SPAG16: variants seen among roughly 807,000 people sequenced by gnomAD.
The protein encoded by SPAG16 is sperm-associated antigen 16 protein.
SPAG16 carries 86 observed loss-of-function variants against 80.4 expected under a neutral mutation model. The ratio of observed to expected loss-of-function variants is 1.07; its 90% CI spans 0.90 to 1.28. The LOEUF (loss-of-function observed/expected upper bound fraction) is 1.28. Among genes scored for constraint, SPAG16 ranks in the 50% most tolerant of loss-of-function variants. The pLI is 0.00. For missense variants in SPAG16, 870 were observed against 765.3 expected (o/e 1.14, Z -1.61); for synonymous variants, 294 against 265.9 (o/e 1.11, Z -1.03).
At chr2:214,166,016 A>G (rs2056639165) in intron 15 of SPAG16, among the ~76,000 whole-genome samples, 2 of 152,194 alleles carry the variant, frequency 1.3e-5, no homozygotes, top group African/African-American at 4.8e-5. Flanking sequence ...AAAATAAATT[A>G]AATGTCTAAG....
intron 11 of SPAG16, among the ~76,000 whole-genome samples, chr2:213,917,114 C>A (rs1448468616): frequency 1.3e-5 from 2 of 151,818 alleles, no homozygotes; most frequent in Admixed American, 6.6e-5. Flanking sequence ...TTCTGGGCTC[C>A]CTATTCTGTT....
intron 10 of SPAG16, among the ~76,000 whole-genome samples, chr2:213,765,292 C>T (rs533608421): frequency 6.6e-6 from 1 of 152,196 alleles, no homozygotes; most frequent in Non-Finnish European, 1.5e-5. Flanking sequence ...TTGCTTGAAC[C>T]CGGGAGTCGG....
At chr2:214,215,100 A>G (rs2058394155) in intron 15 of SPAG16, among the ~76,000 whole-genome samples, 1 of 152,056 alleles carries the variant, frequency 6.6e-6, no homozygotes, top group Non-Finnish European at 1.5e-5. Flanking sequence ...TGTTCCAGAA[A>G]AAGACATTGC....
Position 213,340,210 on chromosome 2 carries a change from A to G in SPAG16, c.584A>G (p.His195Arg), listed in dbSNP as rs1485479326. 5.6e-6 allele frequency: 9 copies of G among 1,612,944 alleles called. No individual in the cohort carries two copies. The highest frequency in any genetic ancestry group is 1.1e-5 in the South Asian group (1 of 90,944). Residue 195 changes from histidine to arginine, a missense_variant, in exon 6 of 16, where the codon CAT (histidine) becomes CGT (arginine). By Grantham distance (29) the His-to-Arg change is conservative. Transcript: ENST00000331683. ...LLKIQKERDFHRMHHKRIVQE... is the reference protein window; with the variant it reads ...LLKIQKERDFRRMHHKRIVQE... ...AAAATTCAGAAAGAACGTGATTTTC[A>G]TCGAATGCATCATAAGCGAATAGTC...
intron 7 of SPAG16, among the ~76,000 whole-genome samples, chr2:213,352,940 A>T (rs1424313828): frequency 6.6e-6 from 1 of 152,192 alleles, no homozygotes; most frequent in Non-Finnish European, 1.5e-5. Flanking sequence ...TTTGAATATT[A>T]TATTAACTGA....
intron 15 of SPAG16, among the ~76,000 whole-genome samples, chr2:214,207,145 A>G (rs575161050): frequency 1.7e-4 from 26 of 152,286 alleles, no homozygotes; most frequent in South Asian, 2.1e-4. Context: ...AGGCTAAAAT[A>G]TTACCTTCAA....
intron 10 of SPAG16, among the ~76,000 whole-genome samples, chr2:213,766,484 C>T (rs1331282504): frequency 6.6e-6 from 1 of 152,218 alleles, no homozygotes; most frequent in Non-Finnish European, 1.5e-5. Context: ...AAGAGCTGAA[C>T]TTTCAGGTGT....
intron 14 of SPAG16, among the ~76,000 whole-genome samples, chr2:214,117,592 T>C (rs1576262671): frequency 6.6e-6 from 1 of 152,098 alleles, no homozygotes; most frequent in South Asian, 2.1e-4. Context: ...TGAACATAGA[T>C]GCAAAAACTC....
chr2:213,315,987 C>T (rs1404403021), intron 4 of SPAG16, among the ~76,000 whole-genome samples: 4 of 151,968 alleles, frequency 2.6e-5, no homozygotes, highest in Non-Finnish European at 2.9e-5. Context: ...TCATTTCCCA[C>T]TGCCTAGCTG....
At chr2:214,361,740 TTA>T (rs1219999467) in intron 15 of SPAG16, among the ~76,000 whole-genome samples, 3 of 151,838 alleles carry the variant, frequency 2.0e-5, no homozygotes, top group African/African-American at 7.2e-5. Context: ...TCCTGTCCTT[TTA>T]TGTCTTTTTA....
At chr2:213,407,153 G>T (rs894923893) in intron 9 of SPAG16, among the ~76,000 whole-genome samples, 2 of 152,174 alleles carry the variant, frequency 1.3e-5, no homozygotes, top group Non-Finnish European at 2.9e-5. Flanking sequence ...TGTGGATGGT[G>T]ACAAGTCCTA....
chr2:213,807,996 G>A (rs2071877641), intron 10 of SPAG16, among the ~76,000 whole-genome samples: 1 of 152,110 alleles, frequency 6.6e-6, no homozygotes, highest in African/African-American at 2.4e-5. Context: ...AAAACAAGAT[G>A]CAATACAGAC....
At chr2:214,169,605 T>C (rs2056797890) in intron 15 of SPAG16, among the ~76,000 whole-genome samples, 1 of 152,056 alleles carries the variant, frequency 6.6e-6, no homozygotes, top group African/African-American at 2.4e-5. Flanking sequence ...GAACGGCTGT[T>C]GAATAGAAAC....
intron 15 of SPAG16, among the ~76,000 whole-genome samples, chr2:214,301,028 TATAATAATAATAATA>T (rs71037363): frequency 0.026 from 3,710 of 141,838 alleles, 163 homozygotes; most frequent in African/African-American, 0.088. Flanking sequence ...AAACTTAAAG[TATAATAATAATAATA>T]ATAATAATAA....
intron 9 of SPAG16, among the ~76,000 whole-genome samples, chr2:213,463,747 C>T (rs1281675627): frequency 6.6e-6 from 1 of 152,188 alleles, no homozygotes; most frequent in African/African-American, 2.4e-5. Flanking sequence ...TGGAGAAACT[C>T]TGCTAGGGGA....
intron 12 of SPAG16, among the ~76,000 whole-genome samples, chr2:213,980,236 C>A (rs13387831): frequency 0.26 from 18,746 of 73,014 alleles, 2,493 homozygotes; most frequent in South Asian, 0.51. Context: ...TATATATTCT[C>A]TATATATATA....
At chr2:214,283,774 G>A (rs1432812598) in intron 15 of SPAG16, among the ~76,000 whole-genome samples, 3 of 152,196 alleles carry the variant, frequency 2.0e-5, no homozygotes, top group South Asian at 4.1e-4. Context: ...ATAACACTGC[G>A]GCATTAAGGA....
intron 12 of SPAG16, among the ~76,000 whole-genome samples, chr2:213,932,355 A>G (rs1413626064): frequency 6.6e-6 from 1 of 151,548 alleles, no homozygotes; most frequent in African/African-American, 2.4e-5. Flanking sequence ...AGCTGGGACT[A>G]TAGGCACGTG....
At chr2:214,356,416 T>C (rs1277660985) in intron 15 of SPAG16, among the ~76,000 whole-genome samples, 1 of 106,660 alleles carries the variant, frequency 9.4e-6, no homozygotes, top group East Asian at 2.2e-4. Context: ...AGGCTGCCCA[T>C]AATTTATCAA....
Sources: gnomAD v4.1 joint callset for allele counts (sites outside exome capture counted in the v4.1 genomes callset) on GRCh38, gnomAD v4.1.1 for gene constraint, MANE v1.5 for transcripts, NCBI Gene and HGNC (gene_info 2026-07-23, HGNC 2026-07-21) for gene names.